Variants in TMEM233 observed in about 807,000 individuals in gnomAD.
TMEM233 encodes the protein transmembrane protein 233, also known as dispanin subfamily B member 2.
Under a neutral mutation model 11.2 loss-of-function variants are expected in TMEM233, and 6 were observed. That is an observed-to-expected ratio of 0.54 (90% CI 0.29 to 1.06). TMEM233 has a LOEUF of 1.06. TMEM233 is among the 50% of genes least tolerant of loss of function. The probability of loss-of-function intolerance (pLI) is 0.08; values close to 1 mark genes in which losing one functional copy is unlikely to be tolerated. For synonymous variants in TMEM233, 59 were observed against 55.8 expected, an observed-to-expected ratio of 1.06 and a Z score of -0.26; for missense variants, 127 against 144.7, an observed-to-expected ratio of 0.88 and a Z score of 0.63.
chr12:119,647,313 T>C (rs904472438), downstream of TMEM233, among the ~76,000 whole-genome samples: 6 of 152,238 alleles, frequency 3.9e-5, no homozygotes, highest in South Asian at 2.1e-4. Context: ...GCAGGCTTTT[T>C]AGTTGAGTTG....
Position 119,593,800 on chromosome 12 carries a change from C to T in TMEM233, c.-49C>T, listed in dbSNP as rs1385795669. The T allele has an allele frequency of 6.5e-7, 1 of 1,536,126 alleles. No individual in the cohort carries two copies. ...CAAGCCGGCGGCCAGAGCCCCAGAC[C>T]ACACAGACCGTGCGCTCCTCCGCCC... On this transcript the variant is annotated 5_prime_UTR_variant, in exon 1 of 3. Coordinates refer to ENST00000426426, the MANE Select transcript of TMEM233 (RefSeq NM_001136534.3). This position sits in a 1 kb window ranked among gnomAD's most constrained non-coding sequence, Gnocchi z 4.1.
At chr12:119,613,165 A>G (rs4767833) in intron 1 of TMEM233, among the ~76,000 whole-genome samples, 62,076 of 149,156 alleles carry the variant, frequency 0.42, 13,540 homozygotes, top group East Asian at 0.56. Context: ...GTAATCATCA[A>G]CTGTCCAAAT....
At chr12:119,601,968 C>G (rs984181815) in intron 1 of TMEM233, among the ~76,000 whole-genome samples, 1 of 152,126 alleles carries the variant, frequency 6.6e-6, no homozygotes, top group African/African-American at 2.4e-5. Flanking sequence ...CTCTCACCCC[C>G]ACAGAAGATG....
At chr12:119,607,304 C>A (rs1477670811) in intron 1 of TMEM233, among the ~76,000 whole-genome samples, 1 of 152,186 alleles carries the variant, frequency 6.6e-6, no homozygotes, top group Non-Finnish European at 1.5e-5. Flanking sequence ...ATTTCCTCAT[C>A]TGTAAATTGG....
Position 119,640,850 on chromosome 12 carries a change from G to GAAC in TMEM233, c.*148_*150dup. On this transcript the variant is annotated 3_prime_UTR_variant, in exon 3 of 3. Transcript: ENST00000426426. ...CTCCAGAGGCAGGTCCCTGGCAAATGAACAAGAAAAAAAAAAAAAAAAAGT... is the reference window on the plus strand; with the variant it reads ...CTCCAGAGGCAGGTCCCTGGCAAATGAACAACAAGAAAAAAAAAAAAAAAAAGT... 294 of 484,862 alleles carry GAAC rather than the reference G, an allele frequency of 6.1e-4. No individual in the cohort carries two copies. Among genetic ancestry groups the GAAC allele is most frequent in the East Asian group, 1.5e-3 (32 of 21,616 alleles). 30.0% of individuals were successfully genotyped at this position (484,862 alleles called of 1,614,324 possible).
intron 1 of TMEM233, among the ~76,000 whole-genome samples, chr12:119,620,089 G>A (rs1011887765): frequency 6.6e-6 from 1 of 152,186 alleles, no homozygotes; most frequent in Non-Finnish European, 1.5e-5. Flanking sequence ...TGTGGGTCAT[G>A]AGGGAGAGCT....
At chr12:119,645,966 A>AC (rs995509091), downstream of TMEM233, among the ~76,000 whole-genome samples, 5 of 151,972 alleles carry the variant, frequency 3.3e-5, no homozygotes, top group South Asian at 2.1e-4. Flanking sequence ...TGGCCTGATC[A>AC]CCCCCAAGAA....
Position 119,640,733 on chromosome 12 carries a change from G to T in TMEM233, c.*28G>T. 13 of 1,550,800 alleles carry T rather than the reference G, an allele frequency of 8.4e-6. No homozygotes were observed. The highest frequency in any genetic ancestry group is 1.1e-5 in the Non-Finnish European group (13 of 1,146,920). ...AACCAGCGGTCAGTGGGCTGTGAGC[G>T]TGGAGGATGGACCTCATCCACACAC... On this transcript the variant is annotated 3_prime_UTR_variant, in exon 3 of 3. Coordinates refer to ENST00000426426, the MANE Select transcript of TMEM233 (RefSeq NM_001136534.3).
the TMEM233 span, among the ~76,000 whole-genome samples, chr12:119,652,919 T>C: frequency 6.6e-6 from 1 of 152,122 alleles, no homozygotes; most frequent in African/African-American, 2.4e-5. Flanking sequence ...AGAACTAGTA[T>C]GTAGAAGGCA....
At chr12:119,619,276 G>A (rs911943127) in intron 1 of TMEM233, among the ~76,000 whole-genome samples, 2 of 152,152 alleles carry the variant, frequency 1.3e-5, no homozygotes, top group South Asian at 4.1e-4. Context: ...CCAGTCTCAA[G>A]TATGTCTTTA....
At chr12:119,621,472 T>G (rs1353404577) in intron 1 of TMEM233, among the ~76,000 whole-genome samples, 1 of 151,568 alleles carries the variant, frequency 6.6e-6, no homozygotes, top group East Asian at 1.9e-4. Context: ...TATGAGCCAC[T>G]GCACCTGGCC....
At chr12:119,639,822 C>T (rs544232308) in intron 2 of TMEM233, among the ~76,000 whole-genome samples, 30 of 152,202 alleles carry the variant, frequency 2.0e-4, no homozygotes, top group African/African-American at 7.0e-4. Context: ...GCACAAACTA[C>T]AGGGCCTGGC....
downstream of TMEM233, among the ~76,000 whole-genome samples, chr12:119,644,302 G>T (rs1955123625): frequency 6.6e-6 from 1 of 152,026 alleles, no homozygotes; most frequent in Non-Finnish European, 1.5e-5. Flanking sequence ...GGTGCGGGAA[G>T]GATGGTTCCC....
intron 1 of TMEM233, among the ~76,000 whole-genome samples, chr12:119,606,703 T>C (rs189053528): frequency 3.7e-4 from 57 of 152,264 alleles, no homozygotes; most frequent in Admixed American, 2.5e-3. Flanking sequence ...AAATGGAGTA[T>C]AGTATTTACA....
chr12:119,620,073 G>T (rs902467235), intron 1 of TMEM233, among the ~76,000 whole-genome samples: 5 of 152,188 alleles, frequency 3.3e-5, no homozygotes, highest in African/African-American at 1.2e-4. Context: ...TATGTTCCAG[G>T]CACTGTGTGG....
chr12:119,639,971 C>T (rs376870252), intron 2 of TMEM233, among the ~76,000 whole-genome samples: 16 of 152,244 alleles, frequency 1.1e-4, no homozygotes, highest in Non-Finnish European at 1.6e-4. Flanking sequence ...ATTGTGTAAA[C>T]GCATACACAT....
At chr12:119,631,336 C>T (rs2136779283) in intron 2 of TMEM233, 1 of 206,046 alleles carries the variant, frequency 4.9e-6, no homozygotes, top group Non-Finnish European at 8.5e-6. Flanking sequence ...GATCAGCCAA[C>T]CCAACCTTGG....
At chr12:119,647,272 C>T (rs1028279796), downstream of TMEM233, among the ~76,000 whole-genome samples, 3 of 152,116 alleles carry the variant, frequency 2.0e-5, no homozygotes, top group African/African-American at 4.8e-5. Flanking sequence ...TCTTTAACCC[C>T]CAATCACAAA....
intron 2 of TMEM233, among the ~76,000 whole-genome samples, chr12:119,634,845 C>T (rs941388484): frequency 2.6e-5 from 4 of 152,168 alleles, no homozygotes; most frequent in Non-Finnish European, 5.9e-5. Flanking sequence ...AGCTCTCATT[C>T]GTCCTATTTT....
Sources: allele counts gnomAD v4.1 joint callset (sites outside exome capture counted in the v4.1 genomes callset), GRCh38; gene constraint gnomAD v4.1.1; non-coding constraint Gnocchi (gnomAD v3.1); transcripts MANE v1.5; gene names NCBI Gene and HGNC (gene_info 2026-07-23, HGNC 2026-07-21).